LAMA1: variants seen among roughly 807,000 people sequenced by gnomAD.
LAMA1 encodes the protein laminin subunit alpha 1.
In LAMA1, 219 loss-of-function variants were observed where a neutral mutation model predicts 348.7. The ratio of observed to expected loss-of-function variants is 0.63; its 90% CI spans 0.56 to 0.70. LAMA1 has a LOEUF of 0.70. Ranked by LOEUF, LAMA1 falls within the 30% of genes least tolerant of loss-of-function variation. The probability of loss-of-function intolerance (pLI) is 0.00; values close to 1 mark genes in which losing one functional copy is unlikely to be tolerated. For synonymous variants in LAMA1, 1,487 were observed against 1,491.0 expected (o/e 1.00, Z 0.06); for missense variants, 3,744 against 3,888.0 (o/e 0.96, Z 0.99).
chr18:7,084,005 G>A (rs780752699), intron 1 of LAMA1, among the ~76,000 whole-genome samples: 4 of 148,928 alleles, frequency 2.7e-5, no homozygotes, highest in East Asian at 2.0e-4. Flanking sequence ...GTTGAGAAGC[G>A]GAGGTTGCAG....
At chr18:6,950,995 T>C (rs1328681750) in intron 57 of LAMA1, 24 bp from the exon 58 acceptor site, 1 of 1,607,358 alleles carries the variant, frequency 6.2e-7, no homozygotes, top group South Asian at 1.1e-5. Flanking sequence ...GTGCTCAGCG[T>C]TGAGAAAGGA....
At chr18:7,031,980 A>G in intron 16 of LAMA1, 86 bp downstream of exon 16, 2 of 960,622 alleles carry the variant, frequency 2.1e-6, no homozygotes, top group South Asian at 1.3e-5. Context: ...TCCGTGGAGG[A>G]AGCACTTAAA....
At chr18:7,027,341 T>C (rs537991951) in intron 16 of LAMA1, among the ~76,000 whole-genome samples, 19 of 118,124 alleles carry the variant, frequency 1.6e-4, no homozygotes, top group African/African-American at 4.6e-4. Flanking sequence ...AAACATACTA[T>C]AATTAGATAG....
intron 42 of LAMA1, among the ~76,000 whole-genome samples, chr18:6,978,753 G>T (rs1253893382): frequency 6.6e-6 from 1 of 152,174 alleles, no homozygotes; most frequent in Non-Finnish European, 1.5e-5. Flanking sequence ...CTTTATTTGG[G>T]TCCTTTTCCA....
intron 48 of LAMA1, 23 bp downstream of exon 48, chr18:6,971,834 G>A: frequency 6.2e-7 from 1 of 1,613,818 alleles, no homozygotes; most frequent in Non-Finnish European, 8.5e-7. Context: ...CATACTATGT[G>A]CTAAACCGTG....
chr18:7,092,888 G>C (rs2058245096), intron 1 of LAMA1, among the ~76,000 whole-genome samples: 1 of 152,076 alleles, frequency 6.6e-6, no homozygotes, highest in Non-Finnish European at 1.5e-5. Context: ...CATCCCAAAG[G>C]TCTCCATGTG....
chr18:6,982,677 C>G (rs752079974), intron 40 of LAMA1, 87 bp from the exon 41 acceptor site: 8 of 1,063,850 alleles, frequency 7.5e-6, no homozygotes, highest in Non-Finnish European at 1.0e-5. Context: ...ATCAGAGTAG[C>G]CCCCAGACAC....
At chr18:6,969,868 C>T (rs1042220773) in intron 48 of LAMA1, among the ~76,000 whole-genome samples, 4 of 152,196 alleles carry the variant, frequency 2.6e-5, no homozygotes, top group African/African-American at 9.6e-5. Flanking sequence ...AGCCGGAAAT[C>T]ATTCAATTCA....
At chr18:7,103,280 C>T (rs2058298638) in intron 1 of LAMA1, among the ~76,000 whole-genome samples, 1 of 152,120 alleles carries the variant, frequency 6.6e-6, no homozygotes, top group Admixed American at 6.5e-5. Context: ...TGGCGGGCGC[C>T]TGTAGTCCCA....
rs140064814 is a variant in LAMA1, at chr18:6,984,622, C to T, written c.5660+615G>A. ...TTCCAATGTGCAGACAAGTTTGAAACGGATGGCTAAAATTGTGCTTCTCGT... is the reference window on the plus strand; with the variant it reads ...TTCCAATGTGCAGACAAGTTTGAAATGGATGGCTAAAATTGTGCTTCTCGT... On this transcript the variant is annotated intron_variant, in intron 39 of 62. Transcript: ENST00000389658. Among the ~76,000 whole-genome samples the T allele has an allele frequency of 5.3e-5, 8 of 152,264 alleles. No individual in the cohort carries two copies. The East Asian group carries it at 9.6e-4, about 18-fold the overall frequency.
chr18:7,082,819 C>T (rs2058198260), intron 1 of LAMA1, among the ~76,000 whole-genome samples: 1 of 152,192 alleles, frequency 6.6e-6, no homozygotes, highest in African/African-American at 2.4e-5. Flanking sequence ...ACCAAGGTTA[C>T]AAGAACTGAC....
intron 5 of LAMA1, among the ~76,000 whole-genome samples, 176 bp downstream of exon 5, chr18:7,048,902 G>C (rs780196355): frequency 6.6e-6 from 1 of 152,108 alleles, no homozygotes; most frequent in Non-Finnish European, 1.5e-5. Context: ...TCACCTAAAG[G>C]CAGCATCTGT....
chr18:7,053,644 T>C (rs2058070453), intron 3 of LAMA1, among the ~76,000 whole-genome samples: 1 of 152,138 alleles, frequency 6.6e-6, no homozygotes, highest in South Asian at 2.1e-4. Context: ...CTGGTAGATA[T>C]CTAGCCCAAA....
rs1555654766 is a variant in LAMA1 at position 7,023,202 on chromosome 18, C to T, written c.2663G>A (p.Gly888Glu). ...GGCTGTCACAGCGTCCCCATAGAAC[C>T]CGTCAGCACACCTTTCACAGTGGGC... ...DGAHCERCAD[G>E]FYGDAVTAKN... The change falls in exon 19 of 63, where the codon GGG (glycine) becomes GAG (glutamate). Residue 888 changes from glycine (G) to glutamate (E), a missense_variant. Transcript: ENST00000389658. 2 of 1,613,466 alleles carry T rather than the reference C, an allele frequency of 1.2e-6. No individual in the cohort carries two copies. The highest frequency in any genetic ancestry group is 1.1e-5 in the South Asian group (1 of 91,036).
chr18:7,017,838 T>C (rs1263326193), intron 19 of LAMA1, among the ~76,000 whole-genome samples: 1 of 152,170 alleles, frequency 6.6e-6, no homozygotes, highest in Non-Finnish European at 1.5e-5. Context: ...GAAAAATATC[T>C]TTTCATTAAA....
intron 3 of LAMA1, among the ~76,000 whole-genome samples, chr18:7,062,615 G>A (rs1445310344): frequency 6.6e-6 from 1 of 152,196 alleles, no homozygotes. Context: ...GACCAGAGCA[G>A]AGATAAAAGC....
chr18:6,997,125 G>A (rs1251957883), intron 33 of LAMA1, among the ~76,000 whole-genome samples: 1 of 152,068 alleles, frequency 6.6e-6, no homozygotes, highest in Non-Finnish European at 1.5e-5. Context: ...GTGCAGTGGT[G>A]TGATCTCGGC....
At chr18:6,947,128 G>C (rs780294194) in intron 61 of LAMA1, 35 bp downstream of exon 61, 14 of 1,613,824 alleles carry the variant, frequency 8.7e-6, no homozygotes, top group East Asian at 6.7e-5. Context: ...CTGACACTGG[G>C]GGGAGGAAGA....
At position 6,943,303 on chromosome 18, in the gene LAMA1, C is replaced by G. The variant is rs772781707; in HGVS notation, c.8944G>C (p.Ala2982Pro). The change falls in exon 62 of 63, where the codon GCT becomes CCT. Residue 2982 changes from alanine to proline, a missense_variant. Ala to Pro is a conservative substitution (Grantham distance 27). Transcript: ENST00000389658. ...GTGATACGGTGTTTGCTTTTGTTAG[C>G]TTGAAGAGTGTGCCATTTTCCATCA... ...LCDGKWHTLQ[A>P]NKSKHRITLI... The G allele has an allele frequency of 6.2e-7, 1 of 1,614,208 alleles. No homozygotes were observed. Among genetic ancestry groups the G allele is most frequent in the Non-Finnish European group, 8.5e-7 (1 of 1,180,040 alleles).
Sources: gnomAD v4.1 joint callset for allele counts (sites outside exome capture counted in the v4.1 genomes callset) on GRCh38, gnomAD v4.1.1 for gene constraint, MANE v1.5 for transcripts, NCBI Gene and HGNC (gene_info 2026-07-23, HGNC 2026-07-21) for gene names.